Variants in XKR4 observed in about 807,000 individuals in gnomAD.
XKR4 encodes XK related 4.
XKR4 carries 12 observed loss-of-function variants against 53.9 expected under a neutral mutation model. That is an observed-to-expected ratio of 0.22 (90% CI 0.14 to 0.36). The LOEUF (loss-of-function observed/expected upper bound fraction) is 0.36. Among genes scored for constraint, XKR4 ranks in the 10% least tolerant of loss-of-function variants. The probability of loss-of-function intolerance (pLI) is 1.00; values close to 1 mark genes in which losing one functional copy is unlikely to be tolerated. For synonymous variants in XKR4, 354 were observed against 362.4 expected (o/e 0.98, Z 0.26); for missense variants, 799 against 859.5 (o/e 0.93, Z 0.88).
chr8:55,408,730 C>T (rs1314081792), intron 2 of XKR4, among the ~76,000 whole-genome samples: 3 of 152,192 alleles, frequency 2.0e-5, no homozygotes, highest in East Asian at 1.9e-4. Context: ...AGCCACAAGC[C>T]GGGTGCGGTG....
rs151247254 is a variant in XKR4, at chr8:55,250,455, C to A, written c.807-107223C>A. Among the ~76,000 whole-genome samples, 8 of 152,200 alleles carry A rather than the reference C, an allele frequency of 5.3e-5. No individual in the cohort carries two copies. In the East Asian group the frequency reaches 1.4e-3, roughly 26 times the overall value. On this transcript the variant is annotated intron_variant, in intron 1 of 2. Transcript: ENST00000327381. ...AGCTCTGGCTGCCCTGATTCTGGAC[C>A]TTTGGATGTCTAATTTAGGGCTTCA...
chr8:55,282,679 A>T (rs1265590952), intron 1 of XKR4, among the ~76,000 whole-genome samples: 1 of 152,142 alleles, frequency 6.6e-6, no homozygotes, highest in Non-Finnish European at 1.5e-5. Flanking sequence ...TCCTACCTCC[A>T]ACATTGGGGA....
chr8:55,139,425 T>C (rs922860417), intron 1 of XKR4, among the ~76,000 whole-genome samples: 1 of 149,520 alleles, frequency 6.7e-6, no homozygotes, highest in Non-Finnish European at 1.5e-5. Flanking sequence ...TAATCCCAGC[T>C]ACTTGGGAGG....
At position 55,541,705 on chromosome 8, in the gene XKR4, ATTTTATTTGAAATGGAGAC is replaced by A. The variant is rs1425166352; in HGVS notation, c.*17481_*17499del. On this transcript the variant is annotated 3_prime_UTR_variant, in exon 3 of 3. Coordinates refer to ENST00000327381, the MANE Select transcript of XKR4 (RefSeq NM_052898.2). ...TAAACATTGTACAAATGTATTTGGA[ATTTTATTTGAAATGGAGAC>A]TTAAACTAGTTATTAAATTTGTTTC... is the stretch of plus-strand genomic sequence containing the variant. The A allele has an allele frequency of 6.6e-6, 1 of 152,182 alleles. No homozygotes were observed. Among genetic ancestry groups the A allele is most frequent in the Non-Finnish European group, 1.5e-5 (1 of 68,032 alleles). 9.4% of individuals were successfully genotyped at this position (152,182 alleles called of 1,614,324 possible).
At chr8:55,309,943 G>A (rs1446274823) in intron 1 of XKR4, among the ~76,000 whole-genome samples, 1 of 152,158 alleles carries the variant, frequency 6.6e-6, no homozygotes, top group Non-Finnish European at 1.5e-5. Context: ...TGATATGTCT[G>A]AATGTGCCTT....
chr8:55,289,642 AAAGAAAGGAAGG>A (rs1210201990), intron 1 of XKR4, among the ~76,000 whole-genome samples: 5 of 106,236 alleles, frequency 4.7e-5, no homozygotes, highest in Non-Finnish European at 7.1e-5. Context: ...AGAAAGAAAG[AAAGAAAGGAAGG>A]AAGGAAAAGA....
At chr8:55,186,175 G>A (rs896240713) in intron 1 of XKR4, among the ~76,000 whole-genome samples, 1 of 152,110 alleles carries the variant, frequency 6.6e-6, no homozygotes, top group Non-Finnish European at 1.5e-5. Flanking sequence ...CAACAAGTTT[G>A]ACCCTCGTAT....
chr8:55,403,183 T>TA (rs1804634150), intron 2 of XKR4, among the ~76,000 whole-genome samples: 1 of 152,212 alleles, frequency 6.6e-6, no homozygotes, highest in Admixed American at 6.5e-5. Context: ...TTTGTTGATT[T>TA]AAAAAATGGT....
At chr8:55,432,029 A>T (rs569358813) in intron 2 of XKR4, among the ~76,000 whole-genome samples, 1 of 152,138 alleles carries the variant, frequency 6.6e-6, no homozygotes, top group Non-Finnish European at 1.5e-5. Flanking sequence ...TAATCCAATC[A>T]TGCTCACATA....
chr8:55,186,234 T>G (rs766300104), intron 1 of XKR4, among the ~76,000 whole-genome samples: 1 of 152,218 alleles, frequency 6.6e-6, no homozygotes, highest in Non-Finnish European at 1.5e-5. Context: ...AATAATAGTT[T>G]AGATTTAAAA....
At chr8:55,290,275 G>A (rs1409268597) in intron 1 of XKR4, among the ~76,000 whole-genome samples, 4 of 151,722 alleles carry the variant, frequency 2.6e-5, no homozygotes, top group Admixed American at 1.3e-4. Flanking sequence ...GACTATAGGC[G>A]CCAGCCACCA....
intron 1 of XKR4, among the ~76,000 whole-genome samples, chr8:55,242,962 A>C (rs1818231164): frequency 6.6e-6 from 1 of 152,242 alleles, no homozygotes; most frequent in African/African-American, 2.4e-5. Flanking sequence ...AATAAAACTA[A>C]TACCTGGGGG....
At chr8:55,317,161 C>G (rs1819489814) in intron 1 of XKR4, among the ~76,000 whole-genome samples, 1 of 152,168 alleles carries the variant, frequency 6.6e-6, no homozygotes, top group Admixed American at 6.5e-5. Flanking sequence ...TAATCATTAG[C>G]TTGCTTATTT....
At chr8:55,355,548 G>A (rs975249066) in intron 1 of XKR4, among the ~76,000 whole-genome samples, 5 of 152,158 alleles carry the variant, frequency 3.3e-5, no homozygotes, top group African/African-American at 1.2e-4. Flanking sequence ...ATGCAGAACA[G>A]CCGATATCAA....
chr8:55,465,076 G>C (rs1235604152), intron 2 of XKR4, among the ~76,000 whole-genome samples: 2 of 152,134 alleles, frequency 1.3e-5, no homozygotes, highest in Non-Finnish European at 1.5e-5. Context: ...GTAATTTATA[G>C]TTTCAGTGCC....
chr8:55,494,031 C>A (rs1806306634), intron 2 of XKR4, among the ~76,000 whole-genome samples: 1 of 152,250 alleles, frequency 6.6e-6, no homozygotes, highest in Non-Finnish European at 1.5e-5. Flanking sequence ...GCCCATTTGG[C>A]CTGTCAGGCT....
intron 1 of XKR4, among the ~76,000 whole-genome samples, chr8:55,242,152 A>T (rs1345806939): frequency 1.3e-5 from 2 of 152,148 alleles, no homozygotes; most frequent in African/African-American, 4.8e-5. Context: ...GCTTCCCCTC[A>T]ACTTAATCAC....
intron 1 of XKR4, among the ~76,000 whole-genome samples, chr8:55,311,898 A>G (rs1760834663): frequency 6.6e-6 from 1 of 151,510 alleles, no homozygotes; most frequent in Non-Finnish European, 1.5e-5. Context: ...GAGCTTCTGC[A>G]GTTGATTATG....
At position 55,328,848 on chromosome 8, in the gene XKR4, A is replaced by G. The variant is rs376898199; in HGVS notation, c.807-28830A>G. Among the ~76,000 whole-genome samples the G allele has an allele frequency of 9.2e-5, 14 of 152,260 alleles. No individual in the cohort carries two copies. In the Middle Eastern group the frequency reaches 0.01, roughly 111 times the overall value. On this transcript the variant is annotated intron_variant, in intron 1 of 2. Transcript: ENST00000327381. Reference sequence around the variant, plus strand: ...AGCTTTACTACCCCCTCCTCAGAGAACCTGTCCTTAACTACCCAATCTAAT... The same window carrying G: ...AGCTTTACTACCCCCTCCTCAGAGAGCCTGTCCTTAACTACCCAATCTAAT...
Sources: allele counts gnomAD v4.1 joint callset (sites outside exome capture counted in the v4.1 genomes callset), GRCh38; gene constraint gnomAD v4.1.1; transcripts MANE v1.5; gene names NCBI Gene and HGNC (gene_info 2026-07-23, HGNC 2026-07-21).